Variants in DLG2 observed in about 807,000 individuals in gnomAD.
DLG2 encodes discs large MAGUK scaffold protein 2.
Under a neutral mutation model 132.5 loss-of-function variants are expected in DLG2, and 45 were observed. The observed-to-expected ratio is 0.34, with a 90% CI of 0.27 to 0.44. DLG2 has a LOEUF of 0.44. Among genes scored for constraint, DLG2 ranks in the 20% least tolerant of loss-of-function variants. DLG2 has a pLI of 1.00. For synonymous variants in DLG2, 424 were observed against 419.6 expected, an observed-to-expected ratio of 1.01 and a Z score of -0.13; for missense variants, 1,045 against 1,196.9, an observed-to-expected ratio of 0.87 and a Z score of 1.87.
At chr11:83,726,734 A>G (rs774095924) in intron 18 of DLG2, among the ~76,000 whole-genome samples, 29 of 150,136 alleles carry the variant, frequency 1.9e-4, no homozygotes, top group Non-Finnish European at 3.7e-4. Flanking sequence ...CCTGAGAGAC[A>G]TCAGATCTGC....
intron 21 of DLG2, among the ~76,000 whole-genome samples, chr11:83,527,936 G>A (rs929232287): frequency 5.3e-5 from 8 of 152,044 alleles, no homozygotes; most frequent in African/African-American, 1.4e-4. Flanking sequence ...GCTGGTTAAC[G>A]GTGAAATTGA....
Position 84,487,137 on chromosome 11 carries a change from A to G in DLG2, c.519+47433T>C, listed in dbSNP as rs142016979. The stretch of plus-strand genomic sequence containing the variant: ...AAACCAAAAGAAAAACTATGGGAAA[A>G]GGTACAGAATGATTAATCAACAATT... On this transcript the variant is annotated intron_variant, in intron 7 of 27. Coordinates refer to ENST00000376104, the MANE Select transcript of DLG2 (RefSeq NM_001142699.3). Among the ~76,000 whole-genome samples the G allele has an allele frequency of 7.1e-3, 1,078 of 152,244 alleles. 14 individuals are homozygous for G. The highest frequency in any genetic ancestry group is 0.023 in the African/African-American group (967 of 41,556).
At chr11:84,596,491 G>C (rs1565408208) in intron 6 of DLG2, among the ~76,000 whole-genome samples, 1 of 151,486 alleles carries the variant, frequency 6.6e-6, no homozygotes, top group Non-Finnish European at 1.5e-5. Flanking sequence ...CCAAAGTGCT[G>C]GGATTATAGG....
At chr11:84,110,630 T>C (rs1595477574) in intron 9 of DLG2, among the ~76,000 whole-genome samples, 2 of 152,300 alleles carry the variant, frequency 1.3e-5, no homozygotes, top group Non-Finnish European at 2.9e-5. Context: ...AGGTTGGAAG[T>C]ATCCTTCATT....
intron 3 of DLG2, among the ~76,000 whole-genome samples, chr11:85,319,309 C>G (rs181867063): frequency 1.3e-5 from 2 of 151,852 alleles, no homozygotes; most frequent in Admixed American, 1.3e-4. Context: ...CTTTCAAACT[C>G]ATCTAAAAGT....
intron 7 of DLG2, among the ~76,000 whole-genome samples, chr11:84,513,885 T>A (rs1322128589): frequency 1.3e-5 from 2 of 150,262 alleles, no homozygotes; most frequent in African/African-American, 4.9e-5. Flanking sequence ...AAGGAAACAA[T>A]CAAAAAAGTG....
At chr11:85,143,661 T>G (rs1313839850) in intron 5 of DLG2, among the ~76,000 whole-genome samples, 2 of 152,030 alleles carry the variant, frequency 1.3e-5, no homozygotes, top group East Asian at 3.9e-4. Context: ...TCTTAAAATT[T>G]CCTTCCTGAT....
chr11:85,591,289 A>G (rs554348620), intron 3 of DLG2, among the ~76,000 whole-genome samples: 2 of 152,208 alleles, frequency 1.3e-5, no homozygotes, highest in Admixed American at 6.5e-5. Context: ...AGAGACTTGT[A>G]TCTAACAGGA....
intron 10 of DLG2, among the ~76,000 whole-genome samples, chr11:84,089,177 C>T (rs1296681515): frequency 6.6e-6 from 1 of 152,122 alleles, no homozygotes; most frequent in African/African-American, 2.4e-5. Flanking sequence ...AGAAATCTTT[C>T]ATTTTCTTAA....
chr11:84,210,865 C>G (rs2096745471), intron 8 of DLG2, among the ~76,000 whole-genome samples: 1 of 152,098 alleles, frequency 6.6e-6, no homozygotes, highest in Non-Finnish European at 1.5e-5. Flanking sequence ...GAAAAGAGAA[C>G]TTTCTAGGGT....
In DLG2 at chr11:83,484,124, C is replaced by T; in HGVS notation, c.2293+5G>A. On this transcript the variant is annotated splice_donor_5th_base_variant and intron_variant, in intron 22 of 27. Transcript: ENST00000376104. ...ATGTGACATTATCTTTCAGAATCTA[C>T]TTACGTTCAGGATCACTGGTTTCCT... is the stretch of plus-strand genomic sequence containing the variant. 6.2e-7 allele frequency: 1 copy of T among 1,610,412 alleles called. No homozygotes were observed. Among genetic ancestry groups the T allele is most frequent in the Non-Finnish European group, 8.5e-7 (1 of 1,177,040 alleles).
chr11:85,471,316 A>C (rs72953913), intron 3 of DLG2, among the ~76,000 whole-genome samples: 4,233 of 152,266 alleles, frequency 0.028, 100 homozygotes, highest in East Asian at 0.097. Flanking sequence ...TTTTAGACTT[A>C]TTTTAAAATC....
chr11:85,154,616 T>C lies in DLG2; in HGVS notation c.222A>G (p.Ser74=), dbSNP rs1389939014. Residue 74 remains serine (S), a synonymous_variant, in exon 5 of 28, where the codon TCA becomes TCG. Transcript: ENST00000376104. ...GATTTTCTTTATTTTGCTCAATACATGAAGCATTTTCCTTTGATCCACTGC... is the reference window on the plus strand; with the variant it reads ...GATTTTCTTTATTTTGCTCAATACACGAAGCATTTTCCTTTGATCCACTGC... ...TDCSGSKENA[S]CIEQNKENQS... 6.5e-7 allele frequency: 1 copy of C among 1,537,074 alleles called. No individual in the cohort carries two copies. Among genetic ancestry groups the C allele is most frequent in the Non-Finnish European group, 8.8e-7 (1 of 1,135,168 alleles).
intron 6 of DLG2, among the ~76,000 whole-genome samples, chr11:84,902,213 T>C (rs1041622378): frequency 6.6e-6 from 1 of 152,160 alleles, no homozygotes; most frequent in Admixed American, 6.6e-5. Context: ...TGCTTACAGT[T>C]ACTACAAATT....
chr11:84,894,216 G>C (rs1224080107), intron 6 of DLG2, among the ~76,000 whole-genome samples: 2 of 152,066 alleles, frequency 1.3e-5, no homozygotes, highest in African/African-American at 4.8e-5. Flanking sequence ...CAAGACTTTA[G>C]TTTTTATTTA....
intron 6 of DLG2, among the ~76,000 whole-genome samples, chr11:85,075,485 T>A (rs1162359681): frequency 6.6e-6 from 1 of 151,928 alleles, no homozygotes; most frequent in African/African-American, 2.4e-5. Flanking sequence ...TATAATGTGG[T>A]AAATCCAAAT....
chr11:85,321,863 G>T (rs2152825539), intron 3 of DLG2, among the ~76,000 whole-genome samples: 1 of 152,092 alleles, frequency 6.6e-6, no homozygotes, highest in East Asian at 1.9e-4. Context: ...AGAATTAGAG[G>T]AAAAGAGATG....
intron 10 of DLG2, among the ~76,000 whole-genome samples, chr11:84,098,576 T>G (rs747005358): frequency 3.3e-5 from 5 of 152,224 alleles, no homozygotes; most frequent in Non-Finnish European, 7.3e-5. Flanking sequence ...TTGCTAATGC[T>G]ACTTATAGTG....
intron 6 of DLG2, among the ~76,000 whole-genome samples, chr11:84,751,410 T>C (rs949223216): frequency 6.6e-6 from 1 of 152,122 alleles, no homozygotes; most frequent in Non-Finnish European, 1.5e-5. Flanking sequence ...ATTGGTATTA[T>C]TGTAAAAACT....
Sources: allele counts gnomAD v4.1 joint callset (sites outside exome capture counted in the v4.1 genomes callset), GRCh38; gene constraint gnomAD v4.1.1; transcripts MANE v1.5; gene names NCBI Gene and HGNC (gene_info 2026-07-23, HGNC 2026-07-21).